B3GLCT: variants seen among roughly 807,000 people sequenced by gnomAD.
B3GLCT encodes beta-1,3-glucosyltransferase.
Under a neutral mutation model 63.4 loss-of-function variants are expected in B3GLCT, and 65 were observed. The observed-to-expected ratio is 1.03, with a 90% CI of 0.84 to 1.26. The LOEUF is 1.26. Among genes scored for constraint, B3GLCT ranks in the 50% most tolerant of loss-of-function variants. The pLI is 0.00. For synonymous variants in B3GLCT, 233 were observed against 219.2 expected, an observed-to-expected ratio of 1.06 and a Z score of -0.55; for missense variants, 577 against 604.8, an observed-to-expected ratio of 0.95 and a Z score of 0.48.
intron 12 of B3GLCT, among the ~76,000 whole-genome samples, chr13:31,298,753 A>G (rs1874081639): frequency 6.6e-6 from 1 of 152,190 alleles, no homozygotes; most frequent in Non-Finnish European, 1.5e-5. Context: ...TCCCATGCAG[A>G]TAGGGTAAAG....
intron 8 of B3GLCT, among the ~76,000 whole-genome samples, chr13:31,273,119 C>T (rs184179822): frequency 6.6e-6 from 1 of 152,116 alleles, no homozygotes; most frequent in East Asian, 1.9e-4. Context: ...GAGACAGAGT[C>T]TCTCTCACTC....
chr13:31,213,621 A>ACCCC (rs71099943), intron 1 of B3GLCT, among the ~76,000 whole-genome samples: 14 of 55,036 alleles, frequency 2.5e-4, no homozygotes, highest in African/African-American at 1.1e-3. Context: ...CCCCCACCCC[A>ACCCC]CCCCCCCCCC....
intron 12 of B3GLCT, among the ~76,000 whole-genome samples, chr13:31,316,173 G>C (rs976160278): frequency 6.6e-6 from 1 of 151,898 alleles, no homozygotes; most frequent in Non-Finnish European, 1.5e-5. Context: ...ACACTGCCTA[G>C]TGGAGCACTC....
intron 2 of B3GLCT, among the ~76,000 whole-genome samples, chr13:31,219,204 C>T (rs942904260): frequency 3.3e-5 from 5 of 152,128 alleles, no homozygotes; most frequent in African/African-American, 9.7e-5. Context: ...TCAACAAAAA[C>T]GCTAGCAAAC....
intron 7 of B3GLCT, among the ~76,000 whole-genome samples, chr13:31,262,439 A>T (rs1187562666): frequency 6.6e-6 from 1 of 152,172 alleles, no homozygotes; most frequent in Non-Finnish European, 1.5e-5. Context: ...CTTCATTCTT[A>T]GAAGGGTCAA....
At chr13:31,211,709 G>A (rs554209946) in intron 1 of B3GLCT, among the ~76,000 whole-genome samples, 7 of 152,026 alleles carry the variant, frequency 4.6e-5, no homozygotes, top group South Asian at 2.1e-4. Flanking sequence ...TGTTGATTAC[G>A]ACAAGCAGAA....
intron 1 of B3GLCT, among the ~76,000 whole-genome samples, chr13:31,206,754 A>G (rs958820352): frequency 2.6e-5 from 4 of 152,108 alleles, no homozygotes; most frequent in Non-Finnish European, 5.9e-5. Flanking sequence ...AAAAAAAAAC[A>G]AAAGATGATC....
chr13:31,308,348 A>AAAAAAAAACAAAAC (rs1874502739), intron 12 of B3GLCT, among the ~76,000 whole-genome samples: 1 of 7,960 alleles, frequency 1.3e-4, no homozygotes, highest in Non-Finnish European at 7.6e-4. Context: ...AAAAAAAATT[A>AAAAAAAAACAAAAC]AAAAAAAAAA....
chr13:31,278,114 T>G (rs1309285989), intron 10 of B3GLCT, among the ~76,000 whole-genome samples: 1 of 152,186 alleles, frequency 6.6e-6, no homozygotes, highest in Non-Finnish European at 1.5e-5. Context: ...ATTTAATTGA[T>G]CTTGAAGCTA....
chr13:31,261,001 A>G lies in B3GLCT; in HGVS notation c.515A>G (p.Tyr172Cys), dbSNP rs972487783. 5.6e-6 allele frequency: 9 copies of G among 1,613,892 alleles called. No homozygotes were observed. Among genetic ancestry groups the G allele is most frequent in the Non-Finnish European group, 7.6e-6 (9 of 1,179,942 alleles). The change falls in exon 7 of 15, where the codon TAT becomes TGT. Residue 172 changes from tyrosine (Y) to cysteine (C), a missense_variant. Transcript: ENST00000343307. ...HDEEATIIHH[Y>C]AFSENPTVFK... ...GAAGAAGCTACAATAATTCACCATTATGCCTTTTCCGAGAATCCTACAGTT... is the reference window on the plus strand; with the variant it reads ...GAAGAAGCTACAATAATTCACCATTGTGCCTTTTCCGAGAATCCTACAGTT...
intron 1 of B3GLCT, among the ~76,000 whole-genome samples, chr13:31,210,189 A>G (rs559000866): frequency 6.6e-6 from 1 of 152,250 alleles, no homozygotes; most frequent in African/African-American, 2.4e-5. Flanking sequence ...TCTGATTTCT[A>G]TTGCCTGCCC....
intron 12 of B3GLCT, chr13:31,311,644 A>C (rs1340748933): frequency 1.3e-5 from 2 of 152,258 alleles, no homozygotes; most frequent in African/African-American, 4.8e-5. Flanking sequence ...TTGGTTTTAG[A>C]ATCTGTACAA....
intron 6 of B3GLCT, among the ~76,000 whole-genome samples, chr13:31,255,201 G>C (rs945185121): frequency 3.3e-5 from 5 of 152,060 alleles, no homozygotes; most frequent in Non-Finnish European, 7.4e-5. Context: ...CCCATTCACA[G>C]TTGCTACAAA....
intron 12 of B3GLCT, among the ~76,000 whole-genome samples, chr13:31,310,591 G>A (rs565709944): frequency 6.6e-6 from 1 of 152,330 alleles, no homozygotes; most frequent in South Asian, 2.1e-4. Flanking sequence ...GGAACTGGCA[G>A]CGGTGGGGCT....
At chr13:31,220,145 G>A (rs569483101) in intron 2 of B3GLCT, among the ~76,000 whole-genome samples, 4 of 152,178 alleles carry the variant, frequency 2.6e-5, no homozygotes, top group Non-Finnish European at 5.9e-5. Context: ...GCAGTGGTGG[G>A]TACTTGTGAC....
chr13:31,293,003 A>G (rs1050539104), intron 12 of B3GLCT, among the ~76,000 whole-genome samples: 1 of 152,102 alleles, frequency 6.6e-6, no homozygotes, highest in Non-Finnish European at 1.5e-5. Flanking sequence ...GTTCTGGTAC[A>G]TTGTGTGTTT....
At chr13:31,200,580 C>T (rs1250181514) in intron 1 of B3GLCT, among the ~76,000 whole-genome samples, 2 of 151,256 alleles carry the variant, frequency 1.3e-5, no homozygotes, top group East Asian at 1.9e-4. Flanking sequence ...GCCTTCCGCC[C>T]GCGCTCCGCC....
chr13:31,287,832 G>T (rs1297910402), intron 12 of B3GLCT, among the ~76,000 whole-genome samples: 1 of 152,148 alleles, frequency 6.6e-6, no homozygotes, highest in East Asian at 1.9e-4. Flanking sequence ...TACCTCTAGA[G>T]ATGAAAACTA....
chr13:31,224,529 A>G (rs1483889177), intron 3 of B3GLCT, among the ~76,000 whole-genome samples: 1 of 152,186 alleles, frequency 6.6e-6, no homozygotes. Context: ...CCAGGAGGCT[A>G]CTAAAGATCC....
Sources: gnomAD v4.1 joint callset for allele counts (sites outside exome capture counted in the v4.1 genomes callset) on GRCh38, gnomAD v4.1.1 for gene constraint, MANE v1.5 for transcripts, NCBI Gene and HGNC (gene_info 2026-07-23, HGNC 2026-07-21) for gene names.